The following TTLL4 variants were observed in gnomAD, a reference collection of about 807,000 sequenced individuals.
TTLL4 encodes tubulin monoglutamylase TTLL4.
A neutral mutation model predicts 122.7 loss-of-function variants in TTLL4; 85 were observed. The ratio of observed to expected loss-of-function variants is 0.69; its 90% CI spans 0.58 to 0.83. The LOEUF (loss-of-function observed/expected upper bound fraction) is 0.83. Among genes scored for constraint, TTLL4 ranks in the 40% least tolerant of loss-of-function variants. The pLI is 0.00. For synonymous variants in TTLL4, 553 were observed against 563.0 expected (o/e 0.98, Z 0.25); for missense variants, 1,363 against 1,488.6 (o/e 0.92, Z 1.39).
intron 5 of TTLL4, among the ~76,000 whole-genome samples, chr2:218,743,194 C>G (rs1345944678): frequency 6.6e-6 from 1 of 151,962 alleles, no homozygotes. Context: ...GGAATTCCTC[C>G]TCCTCCTACC....
Position 218,751,725 on chromosome 2 carries a change from CA to C in TTLL4, c.2898del (p.Lys966AsnfsTer14). ...GTAGCCTGCCCACCTCCCCTGGGGA[CA>C]AATGTCGAATGGCTCCAGAGCATGT... ...TTSLPTSPGD[K>X]CRMAPEHVTA... On this transcript the variant is annotated frameshift_variant, in exon 16 of 20. Coordinates refer to ENST00000392102, the MANE Select transcript of TTLL4 (RefSeq NM_014640.5). LOFTEE classifies it high-confidence loss of function. 1 of 1,613,126 alleles carries C rather than the reference CA, an allele frequency of 6.2e-7. No homozygotes were observed. The highest frequency in any genetic ancestry group is 8.5e-7 in the Non-Finnish European group (1 of 1,179,430).
intron 5 of TTLL4, among the ~76,000 whole-genome samples, chr2:218,744,832 C>A (rs1259253470): frequency 6.6e-6 from 1 of 152,150 alleles, no homozygotes; most frequent in African/African-American, 2.4e-5. Context: ...ACTTTCCCAG[C>A]CAATGTCTTG....
Position 218,750,152 on chromosome 2 carries a change from G to T in TTLL4, c.2873+6G>T, listed in dbSNP as rs762794313. 4.3e-6 allele frequency: 7 copies of T among 1,613,124 alleles called. No individual in the cohort carries two copies. In the African/African-American group the frequency reaches 6.7e-5, roughly 15 times the overall value. ...TGCAGCAGCTCCACCACCAGGTGAGGCCCCTATTTCTTCACAGCTCTGCTG... is the reference window on the plus strand; with the variant it reads ...TGCAGCAGCTCCACCACCAGGTGAGTCCCCTATTTCTTCACAGCTCTGCTG... On this transcript the variant is annotated splice_donor_region_variant and intron_variant, in intron 15 of 19. Transcript: ENST00000392102.
chr2:218,741,468 A>C (rs1424499829), intron 5 of TTLL4, among the ~76,000 whole-genome samples: 1 of 152,206 alleles, frequency 6.6e-6, no homozygotes, highest in Non-Finnish European at 1.5e-5. Flanking sequence ...TAGCATGGAC[A>C]AGACAGGCTG....
At chr2:218,741,370 A>C (rs1942696805) in intron 5 of TTLL4, among the ~76,000 whole-genome samples, 1 of 152,234 alleles carries the variant, frequency 6.6e-6, no homozygotes, top group Non-Finnish European at 1.5e-5. Flanking sequence ...TGACCAATAT[A>C]TGGAGCACCC....
intron 1 of TTLL4, among the ~76,000 whole-genome samples, chr2:218,716,868 G>A (rs985063422): frequency 1.3e-5 from 2 of 152,168 alleles, no homozygotes; most frequent in Non-Finnish European, 2.9e-5. Context: ...AAGTATAGTG[G>A]GTAAGAATCT....
chr2:218,749,952 G>T, intron 14 of TTLL4, 57 bp from the exon 15 acceptor site: 2 of 1,593,596 alleles, frequency 1.3e-6, no homozygotes, highest in South Asian at 2.3e-5. Context: ...TTGCACATAT[G>T]ACCAGAGACT....
chr2:218,754,124 T>G lies in TTLL4; in HGVS notation c.3345-10T>G. On this transcript the variant is annotated splice_polypyrimidine_tract_variant and intron_variant, in intron 19 of 19. Coordinates refer to ENST00000392102, the MANE Select transcript of TTLL4 (RefSeq NM_014640.5). ...TCTCAGTCATTTCTTTCACCACCTA[T>G]TCCCTCCAGAAAACAAAGCTCCTGT... is the stretch of plus-strand genomic sequence containing the variant. The G allele has an allele frequency of 6.2e-7, 1 of 1,614,040 alleles. No individual in the cohort carries two copies. The highest frequency in any genetic ancestry group is 1.7e-4 in the Middle Eastern group (1 of 6,060).
chr2:218,717,746 T>C (rs1941906767), intron 1 of TTLL4, among the ~76,000 whole-genome samples: 1 of 152,132 alleles, frequency 6.6e-6, no homozygotes, highest in Non-Finnish European at 1.5e-5. Context: ...AGAAAATTAA[T>C]GTGATTCCTA....
intron 8 of TTLL4, 112 bp from the exon 9 acceptor site, chr2:218,746,891 A>G: frequency 1.6e-6 from 2 of 1,227,676 alleles, no homozygotes; most frequent in Non-Finnish European, 2.3e-6. Flanking sequence ...GTAAGATGGA[A>G]CAAAAGCTTG....
At chr2:218,734,871 C>T (rs1285947834) in intron 2 of TTLL4, among the ~76,000 whole-genome samples, 2 of 152,200 alleles carry the variant, frequency 1.3e-5, no homozygotes, top group African/African-American at 4.8e-5. Context: ...CCCTTTGTCT[C>T]TATGCTTCTC....
In TTLL4 at chr2:218,748,191, C is replaced by G. The variant is rs766490244; in HGVS notation, c.2465C>G (p.Ala822Gly). Residue 822 changes from alanine to glycine, a missense_variant, in exon 12 of 20, where the codon GCC becomes GGC. This residue lies in a region of TTLL4 where 596 missense variants were observed against 655.8 expected (regional missense o/e 0.91). Coordinates refer to ENST00000392102, the MANE Select transcript of TTLL4 (RefSeq NM_014640.5). ...SVNKKNAEYQ[A>G]NADEMACQGH... ...AATAAAAAGAATGCCGAGTACCAGG[C>G]CAATGCAGATGAAATGGCTTGCCAG... The G allele has an allele frequency of 1.9e-6, 3 of 1,614,130 alleles. No homozygotes were observed. The South Asian group carries it at 3.3e-5, about 18-fold the overall frequency.
Position 218,754,523 on chromosome 2 carries a change from T to C in TTLL4, c.*134T>C, listed in dbSNP as rs1943112907. 1 of 1,249,338 alleles carries C rather than the reference T, an allele frequency of 8.0e-7. No homozygotes were observed. The highest frequency in any genetic ancestry group is 1.5e-5 in the South Asian group (1 of 67,716). 77.4% of individuals were successfully genotyped at this position (1,249,338 alleles called of 1,614,324 possible). The stretch of plus-strand genomic sequence containing the variant: ...CTCCTCAGAGTATTTTTTGAAGTGG[T>C]TGCATTATAGAGATGGGTATTTGTA... On this transcript the variant is annotated 3_prime_UTR_variant, in exon 20 of 20. Coordinates refer to ENST00000392102, the MANE Select transcript of TTLL4 (RefSeq NM_014640.5).
chr2:218,748,391 A>G, intron 12 of TTLL4, 164 bp downstream of exon 12: 2 of 1,165,804 alleles, frequency 1.7e-6, no homozygotes, highest in Non-Finnish European at 1.2e-6. Context: ...GTGGTGGCTC[A>G]CGCCTGTAAT....
At chr2:218,727,043 A>G (rs1942219383) in intron 1 of TTLL4, among the ~76,000 whole-genome samples, 1 of 152,074 alleles carries the variant, frequency 6.6e-6, no homozygotes, top group Non-Finnish European at 1.5e-5. Flanking sequence ...TCCAGACCTC[A>G]AATGATCCAC....
In TTLL4 at chr2:218,745,207, T is replaced by C. The variant is rs1292381260; in HGVS notation, c.1760T>C (p.Ile587Thr). 1 of 1,613,802 alleles carries C rather than the reference T, an allele frequency of 6.2e-7. No homozygotes were observed. The highest frequency in any genetic ancestry group is 8.5e-7 in the Non-Finnish European group (1 of 1,179,940). Residue 587 changes from isoleucine to threonine, a missense_variant, in exon 6 of 20, where the codon ATC becomes ACC. Ile to Thr is a moderately conservative substitution (Grantham distance 89). Coordinates refer to ENST00000392102, the MANE Select transcript of TTLL4 (RefSeq NM_014640.5). ...CTCTTTCCCAACGTTCCCCCTACCATCTATTTTGGCACTCGGGATGAGAGA... is the reference window on the plus strand; with the variant it reads ...CTCTTTCCCAACGTTCCCCCTACCACCTATTTTGGCACTCGGGATGAGAGA... ...YSLFPNVPPT[I>T]YFGTRDERVE...
rs757759992 is a variant in TTLL4 at position 218,748,246 on chromosome 2, C to T, written c.2501+19C>T. 1.7e-5 allele frequency: 27 copies of T among 1,613,820 alleles called. No individual in the cohort carries two copies. Among genetic ancestry groups the T allele is most frequent in the Non-Finnish European group, 2.2e-5 (26 of 1,179,904 alleles). ...ACAAATGGTACTGAGGGCAGAGTGT[C>T]CCAGTCCAGTGAAGGCCTAGAGGAA... On this transcript the variant is annotated intron_variant, in intron 12 of 19. Coordinates refer to ENST00000392102, the MANE Select transcript of TTLL4 (RefSeq NM_014640.5).
intron 1 of TTLL4, among the ~76,000 whole-genome samples, chr2:218,723,185 A>G (rs962503698): frequency 6.6e-6 from 1 of 152,220 alleles, no homozygotes; most frequent in Non-Finnish European, 1.5e-5. Flanking sequence ...TTTGAATAAC[A>G]GTGGTTATAG....
chr2:218,748,500 C>T (rs1398774137), intron 12 of TTLL4: 8 of 457,858 alleles, frequency 1.7e-5, no homozygotes, highest in African/African-American at 3.9e-5. Context: ...ACTAAAAATA[C>T]AAAAATTAGC....
Sources: gnomAD v4.1 joint callset for allele counts (sites outside exome capture counted in the v4.1 genomes callset) on GRCh38, gnomAD v4.1.1 for gene constraint, gnomAD v4.1.1 regional missense constraint, MANE v1.5 for transcripts, NCBI Gene and HGNC (gene_info 2026-07-23, HGNC 2026-07-21) for gene names.